The following AEBP2 variants were observed in gnomAD, a reference collection of about 807,000 sequenced individuals.
AEBP2 encodes AE binding protein 2.
Under a neutral mutation model 50.8 loss-of-function variants are expected in AEBP2, and 10 were observed. The ratio of observed to expected loss-of-function variants is 0.20; its 90% CI spans 0.12 to 0.33. The LOEUF (loss-of-function observed/expected upper bound fraction) is 0.33. AEBP2 is among the 10% of genes least tolerant of loss of function. The probability of loss-of-function intolerance (pLI) is 1.00; values close to 1 mark genes in which losing one functional copy is unlikely to be tolerated. For synonymous variants in AEBP2, 296 were observed against 261.3 expected (o/e 1.13, Z -1.28); for missense variants, 570 against 688.0 (o/e 0.83, Z 1.92).
At chr12:19,478,278 G>A (rs1948679770) in intron 3 of AEBP2, among the ~76,000 whole-genome samples, 1 of 152,078 alleles carries the variant, frequency 6.6e-6, no homozygotes. Flanking sequence ...ACCTTAGATT[G>A]CCTATTTGTG....
At chr12:19,416,307 T>C (rs1215541115) in intron 1 of AEBP2, among the ~76,000 whole-genome samples, 2 of 152,242 alleles carry the variant, frequency 1.3e-5, no homozygotes, top group African/African-American at 4.8e-5. Flanking sequence ...GATTTGCATA[T>C]AATTGGTATT....
intron 2 of AEBP2, among the ~76,000 whole-genome samples, chr12:19,470,219 G>T (rs146452042): frequency 7.3e-5 from 11 of 150,932 alleles, no homozygotes; most frequent in African/African-American, 2.7e-4. Context: ...GTGCAATGGC[G>T]CAATCTCAGC....
At chr12:19,436,195 G>C (rs1457353490), upstream of AEBP2, among the ~76,000 whole-genome samples, 2 of 152,194 alleles carry the variant, frequency 1.3e-5, no homozygotes, top group African/African-American at 2.4e-5. Context: ...ACATTAGCAT[G>C]CTAAGAGACA....
upstream of AEBP2, among the ~76,000 whole-genome samples, chr12:19,436,324 C>G (rs185437146): frequency 1.3e-5 from 2 of 152,130 alleles, no homozygotes; most frequent in Non-Finnish European, 2.9e-5. Context: ...TCCTGGAAAA[C>G]TCATGAATAA....
At chr12:19,468,205 A>C (rs1948515179) in intron 2 of AEBP2, among the ~76,000 whole-genome samples, 2 of 147,242 alleles carry the variant, frequency 1.4e-5, no homozygotes, top group African/African-American at 5.0e-5. Flanking sequence ...AGCTAGTCTT[A>C]CTATGTTGTC....
At chr12:19,474,491 C>G (rs1321567379) in intron 3 of AEBP2, among the ~76,000 whole-genome samples, 1 of 152,066 alleles carries the variant, frequency 6.6e-6, no homozygotes, top group Non-Finnish European at 1.5e-5. Flanking sequence ...CCTGTTTCCC[C>G]CCTTCCTCCC....
At chr12:19,478,667 G>T (rs1948685801) in intron 3 of AEBP2, among the ~76,000 whole-genome samples, 1 of 152,154 alleles carries the variant, frequency 6.6e-6, no homozygotes, top group Non-Finnish European at 1.5e-5. Context: ...TTGATAAGTT[G>T]TGACACTATT....
At chr12:19,513,397 A>G (rs572450633) in intron 6 of AEBP2, among the ~76,000 whole-genome samples, 15 of 152,254 alleles carry the variant, frequency 9.9e-5, no homozygotes, top group Non-Finnish European at 1.9e-4. Flanking sequence ...ATTGGACAAA[A>G]TTAATAAGCA....
intron 1 of AEBP2, among the ~76,000 whole-genome samples, chr12:19,446,448 G>C (rs989156365): frequency 1.3e-5 from 2 of 152,122 alleles, no homozygotes; most frequent in African/African-American, 4.8e-5. Flanking sequence ...CCCATCTACA[G>C]GCGGGACACG....
At chr12:19,452,896 G>A (rs1948188293) in intron 1 of AEBP2, among the ~76,000 whole-genome samples, 3 of 149,404 alleles carry the variant, frequency 2.0e-5, no homozygotes, top group South Asian at 2.1e-4. Context: ...GATTTCCTTT[G>A]TATCATTGTA....
rs138796026 is a variant in AEBP2 at position 19,475,873 on chromosome 12, A to G, written c.987+2518A>G. Among the ~76,000 whole-genome samples the G allele has an allele frequency of 4.5e-3, 689 of 152,060 alleles. 9 individuals carry two copies. Among genetic ancestry groups the G allele is most frequent in the Non-Finnish European group, 4.2e-3 (283 of 67,954 alleles). On this transcript the variant is annotated intron_variant, in intron 3 of 7. Transcript: ENST00000266508. ...TTGCCCACTTTTCGATGGGATTATT[A>G]TTATTTTTTTCTTGTTGATTTCTTT...
Position 19,439,589 on chromosome 12 carries a change from T to C in AEBP2, c.-111T>C. 1 of 1,390,062 alleles carries C rather than the reference T, an allele frequency of 7.2e-7. No individual in the cohort carries two copies. Among genetic ancestry groups the C allele is most frequent in the Non-Finnish European group, 9.5e-7 (1 of 1,048,330 alleles). The allele number at this position is 1,390,062 out of a possible 1,614,324, so 86.1% of individuals were successfully genotyped here. Reference sequence around the variant, plus strand: ...CAGCTCGCGGGCCCTCCTCCTGCTCTGCAGCGGCGTCGGCGGAGTTTTGGG... The same window carrying C: ...CAGCTCGCGGGCCCTCCTCCTGCTCCGCAGCGGCGTCGGCGGAGTTTTGGG... On this transcript the variant is annotated 5_prime_UTR_variant, in exon 1 of 8. Coordinates refer to ENST00000266508, the MANE Select transcript of AEBP2 (RefSeq NM_153207.5).
intron 1 of AEBP2, among the ~76,000 whole-genome samples, chr12:19,412,499 C>A (rs1343518121): frequency 6.6e-6 from 1 of 151,920 alleles, no homozygotes; most frequent in South Asian, 2.1e-4. Context: ...AGGATGGTCT[C>A]GATGTCTTGA....
intron 1 of AEBP2, chr12:19,456,530 A>C: frequency 6.5e-7 from 1 of 1,527,060 alleles, no homozygotes; most frequent in East Asian, 2.3e-5. Context: ...ACTTGCATGC[A>C]GTGTGAGCCG....
At chr12:19,479,593 A>C (rs1056516155) in intron 3 of AEBP2, among the ~76,000 whole-genome samples, 1 of 145,054 alleles carries the variant, frequency 6.9e-6, no homozygotes, top group Non-Finnish European at 1.6e-5. Flanking sequence ...TGTCTATCCT[A>C]TTTCTTAGGT....
Position 19,489,990 on chromosome 12 carries a change from CTTTTTTTTT to C in AEBP2, c.988-3793_988-3785del, listed in dbSNP as rs71067029. Among the ~76,000 whole-genome samples, 152 of 47,704 alleles carry C rather than the reference CTTTTTTTTT, an allele frequency of 3.2e-3. 1 individual carries two copies. The highest frequency in any genetic ancestry group is 0.012 in the African/African-American group (141 of 11,846). The allele number at this position is 47,704 out of a possible 152,430, so 31.3% of individuals were successfully genotyped here. A position where few individuals can be genotyped will look rare whatever the true frequency, so the allele number is the denominator to read the frequency against. On this transcript the variant is annotated intron_variant, in intron 3 of 7. Transcript: ENST00000266508. ...CTGAATCATTGATAATTAAAATAAACTTTTTTTTTTTTTTTTTTTTTTTTTGCATGGGGG... is the reference window on the plus strand; with the variant it reads ...CTGAATCATTGATAATTAAAATAAACTTTTTTTTTTTTTTTTGCATGGGGG...
chr12:19,454,745 C>T (rs895044217), intron 1 of AEBP2, among the ~76,000 whole-genome samples: 1 of 152,060 alleles, frequency 6.6e-6, no homozygotes, highest in Non-Finnish European at 1.5e-5. Flanking sequence ...TTTCAGTAGG[C>T]TAGACCTCAC....
chr12:19,474,498 T>C (rs1452403068), intron 3 of AEBP2, among the ~76,000 whole-genome samples: 1 of 152,154 alleles, frequency 6.6e-6, no homozygotes, highest in Non-Finnish European at 1.5e-5. Context: ...CCCCCCTTCC[T>C]CCCAAATATA....
chr12:19,405,831 G>A (rs2095735938), intron 1 of AEBP2, among the ~76,000 whole-genome samples: 1 of 151,112 alleles, frequency 6.6e-6, no homozygotes, highest in Non-Finnish European at 1.5e-5. Context: ...TTTTTGAGAT[G>A]GAGTCTGTGT....
Sources: gnomAD v4.1 joint callset for allele counts (sites outside exome capture counted in the v4.1 genomes callset) on GRCh38, gnomAD v4.1.1 for gene constraint, MANE v1.5 for transcripts, NCBI Gene and HGNC (gene_info 2026-07-23, HGNC 2026-07-21) for gene names.